Variants in KANK1 observed in about 807,000 individuals in gnomAD.
KANK1 encodes the protein KN motif and ankyrin repeat domain-containing protein 1.
KANK1 carries 109 observed loss-of-function variants against 106.2 expected under a neutral mutation model. The ratio of observed to expected loss-of-function variants is 1.03; its 90% CI spans 0.88 to 1.20. The LOEUF is 1.20. KANK1 is among the 50% of genes most tolerant of loss of function. KANK1 has a pLI of 0.00. For missense variants in KANK1, 2,399 were observed against 1,710.7 expected (o/e 1.40, Z -7.10); for synonymous variants, 873 against 652.2 (o/e 1.34, Z -5.16).
intron 2 of KANK1, among the ~76,000 whole-genome samples, chr9:687,110 T>C (rs1203902832): frequency 1.3e-5 from 2 of 152,140 alleles, no homozygotes; most frequent in Non-Finnish European, 2.9e-5. Context: ...TGAAACTCCA[T>C]AGAAATACTT....
chr9:542,703 C>T (rs539324079), intron 1 of KANK1, among the ~76,000 whole-genome samples: 2 of 152,284 alleles, frequency 1.3e-5, no homozygotes, highest in African/African-American at 2.4e-5. Context: ...TATGTGTACA[C>T]TGGAATACTC....
At position 585,566 on chromosome 9, in the gene KANK1, T is replaced by TA. The variant is rs201057961; in HGVS notation, c.-84+80814dup. Among the ~76,000 whole-genome samples the TA allele has an allele frequency of 5.7e-3, 866 of 152,366 alleles. 11 individuals are homozygous for TA. The highest frequency in any genetic ancestry group is 0.02 in the African/African-American group (814 of 41,580). Reference sequence around the variant, plus strand: ...AAAAATATGTAGTTTGTAAAAACTCTAATACAATCCACACTGAAGTAAAAA... The same window carrying TA: ...AAAAATATGTAGTTTGTAAAAACTCTAAATACAATCCACACTGAAGTAAAAA... On this transcript the variant is annotated intron_variant, in intron 1 of 11. Transcript: ENST00000382297.
intron 1 of KANK1, among the ~76,000 whole-genome samples, chr9:576,000 G>A (rs1264942434): frequency 2.0e-5 from 3 of 152,214 alleles, no homozygotes; most frequent in African/African-American, 4.8e-5. Context: ...TCCAGCGTAG[G>A]CAACAGAGTG....
intron 1 of KANK1, among the ~76,000 whole-genome samples, chr9:605,906 A>T: frequency 6.6e-6 from 1 of 151,680 alleles, no homozygotes; most frequent in East Asian, 1.9e-4. Flanking sequence ...ACCAGATGGC[A>T]TTTGAGGGGA....
At chr9:647,272 T>C (rs1229555015) in intron 1 of KANK1, among the ~76,000 whole-genome samples, 1 of 115,424 alleles carries the variant, frequency 8.7e-6, no homozygotes, top group East Asian at 2.9e-4. Flanking sequence ...TCATTAATTT[T>C]CTAATTATGA....
intron 2 of KANK1, chr9:686,841 G>C (rs1170258851): frequency 2.0e-6 from 2 of 985,230 alleles, no homozygotes; most frequent in Non-Finnish European, 2.4e-6. Flanking sequence ...TTGGGTGCTA[G>C]AAAACAGCAG....
intron 1 of KANK1, among the ~76,000 whole-genome samples, chr9:608,491 A>G (rs1004815347): frequency 6.6e-6 from 1 of 151,816 alleles, no homozygotes; most frequent in South Asian, 2.1e-4. Flanking sequence ...ATAAGAAAAG[A>G]TCATTGTTTC....
At chr9:562,000 CTT>C in intron 1 of KANK1, among the ~76,000 whole-genome samples, 1 of 149,890 alleles carries the variant, frequency 6.7e-6, no homozygotes, top group East Asian at 2.0e-4. Flanking sequence ...CATTTTATAA[CTT>C]AGGTAAGTTG....
chr9:620,750 T>G (rs1450930005), intron 1 of KANK1, among the ~76,000 whole-genome samples: 1 of 152,130 alleles, frequency 6.6e-6, no homozygotes, highest in African/African-American at 2.4e-5. Flanking sequence ...CAAAAACCAA[T>G]TTTAAAAACC....
chr9:665,503 A>G (rs1175727699), intron 1 of KANK1, among the ~76,000 whole-genome samples: 1 of 152,148 alleles, frequency 6.6e-6, no homozygotes, highest in Non-Finnish European at 1.5e-5. Context: ...ATCTGGGTTC[A>G]CTATTCTGTT....
At chr9:495,627 T>C (rs1324455687) in intron 3 of KANK1, 1 of 152,212 alleles carries the variant, frequency 6.6e-6, no homozygotes, top group Non-Finnish European at 1.5e-5. Context: ...GTCATGAGGT[T>C]TTATTGACAT....
chr9:628,851 C>T (rs775524426), intron 1 of KANK1, among the ~76,000 whole-genome samples: 40 of 151,926 alleles, frequency 2.6e-4, no homozygotes, highest in Admixed American at 5.9e-4. Flanking sequence ...GGTCAAAGTG[C>T]GCAGATCACT....
chr9:581,080 C>A (rs1304147505), intron 1 of KANK1, among the ~76,000 whole-genome samples: 1 of 151,930 alleles, frequency 6.6e-6, no homozygotes, highest in African/African-American at 2.4e-5. Context: ...CCCACACCTA[C>A]CCAGAACTCC....
chr9:636,781 C>T (rs941416575), intron 1 of KANK1, among the ~76,000 whole-genome samples: 1 of 152,152 alleles, frequency 6.6e-6, no homozygotes, highest in African/African-American at 2.4e-5. Context: ...GCAGGAGAAT[C>T]GCATGAACCC....
chr9:644,983 G>A lies in KANK1; in HGVS notation c.-83-31907G>A, dbSNP rs751916504. Among the ~76,000 whole-genome samples the A allele has an allele frequency of 3.3e-5, 5 of 150,224 alleles. 1 individual carries two copies. The highest frequency in any genetic ancestry group is 7.6e-5 in the African/African-American group (3 of 39,650). On this transcript the variant is annotated intron_variant, in intron 1 of 11. Transcript: ENST00000382297. Reference sequence around the variant, plus strand: ...TAAAATACAAAAGAATATTAGCCAGGAATGGCGGTGTGCACCTGTAGTCCC... The same window carrying A: ...TAAAATACAAAAGAATATTAGCCAGAAATGGCGGTGTGCACCTGTAGTCCC...
At chr9:714,361 A>T (rs910811860) in intron 3 of KANK1, among the ~76,000 whole-genome samples, 64 of 128,814 alleles carry the variant, frequency 5.0e-4, no homozygotes, top group African/African-American at 1.4e-3. Flanking sequence ...TTTCCCACTC[A>T]TTTTTTTTTT....
chr9:627,977 G>A (rs1834761383), intron 1 of KANK1, among the ~76,000 whole-genome samples: 1 of 152,154 alleles, frequency 6.6e-6, no homozygotes, highest in Non-Finnish European at 1.5e-5. Context: ...CACAGAATCT[G>A]ACTAAAGGAG....
At chr9:670,843 A>G (rs1845709437) in intron 1 of KANK1, among the ~76,000 whole-genome samples, 1 of 151,706 alleles carries the variant, frequency 6.6e-6, no homozygotes, top group South Asian at 2.1e-4. Context: ...CACTTTTTCC[A>G]GTGTAGAATC....
At chr9:486,191 A>C (rs2058290894) in intron 3 of KANK1, among the ~76,000 whole-genome samples, 1 of 152,228 alleles carries the variant, frequency 6.6e-6, no homozygotes, top group Non-Finnish European at 1.5e-5. Context: ...ATTATTTTAC[A>C]TATGATCATA....
Sources: allele counts gnomAD v4.1 joint callset (sites outside exome capture counted in the v4.1 genomes callset), GRCh38; gene constraint gnomAD v4.1.1; transcripts MANE v1.5; gene names NCBI Gene and HGNC (gene_info 2026-07-23, HGNC 2026-07-21).